SCN11A: variants seen among roughly 807,000 people sequenced by gnomAD.
SCN11A encodes the protein sodium voltage-gated channel alpha subunit 11, also known as sodium channel protein type 11 subunit alpha.
A neutral mutation model predicts 162.2 loss-of-function variants in SCN11A; 122 were observed. That is an observed-to-expected ratio of 0.75 (90% CI 0.65 to 0.87). SCN11A has a LOEUF of 0.87. Among genes scored for constraint, SCN11A ranks in the 40% least tolerant of loss-of-function variants. The pLI is 0.00. For missense variants in SCN11A, 2,015 were observed against 2,181.6 expected, an observed-to-expected ratio of 0.92 and a Z score of 1.52; for synonymous variants, 758 against 751.5, an observed-to-expected ratio of 1.01 and a Z score of -0.14.
At chr3:39,025,252 C>T (rs943194798) in intron 2 of SCN11A, among the ~76,000 whole-genome samples, 3 of 152,080 alleles carry the variant, frequency 2.0e-5, no homozygotes, top group African/African-American at 4.8e-5. Context: ...ACCTTCCAGT[C>T]TCCTTTAGTT....
intron 28 of SCN11A, among the ~76,000 whole-genome samples, chr3:38,859,072 G>C (rs1241496933): frequency 6.6e-6 from 1 of 152,056 alleles, no homozygotes; most frequent in Admixed American, 6.6e-5. Context: ...CATAATGTCT[G>C]AAAGAGCACT....
At chr3:39,043,570 G>A (rs1474313887) in intron 1 of SCN11A, among the ~76,000 whole-genome samples, 1 of 150,674 alleles carries the variant, frequency 6.6e-6, no homozygotes, top group African/African-American at 2.4e-5. Context: ...AATAAGCCAG[G>A]CACAGAAAGC....
intron 12 of SCN11A, among the ~76,000 whole-genome samples, chr3:38,909,562 T>C (rs2065856378): frequency 6.6e-6 from 1 of 151,706 alleles, no homozygotes; most frequent in African/African-American, 2.4e-5. Flanking sequence ...AAATATTGCA[T>C]TTAAAATTTT....
chr3:38,980,391 A>G (rs1048948544), intron 2 of SCN11A, among the ~76,000 whole-genome samples: 2 of 152,204 alleles, frequency 1.3e-5, no homozygotes, highest in African/African-American at 4.8e-5. Context: ...TCTCTCCAGG[A>G]AGGGAAGTTA....
At position 38,894,563 on chromosome 3, in the gene SCN11A, C is replaced by T. The variant is rs755744948; in HGVS notation, c.2805G>A (p.Gln935=). Residue 935 remains glutamine, a synonymous_variant, in exon 19 of 30, where the codon CAG becomes CAA. Coordinates refer to ENST00000302328, the MANE Select transcript of SCN11A (RefSeq NM_001349253.2). ...DVEFSGEDNA[Q]RITQPEPEQQ... ...GTTCAGGCTCAGGTTGTGTGATGCGCTGTGCATTATCTTCACCAGAAAATT... is the reference window on the plus strand; with the variant it reads ...GTTCAGGCTCAGGTTGTGTGATGCGTTGTGCATTATCTTCACCAGAAAATT... 6 of 1,612,316 alleles carry T rather than the reference C, an allele frequency of 3.7e-6. No individual in the cohort carries two copies. In the African/African-American group the frequency reaches 4.0e-5, roughly 11 times the overall value.
At chr3:38,909,918 G>T in intron 12 of SCN11A, 148 bp downstream of exon 12, 2 of 880,398 alleles carry the variant, frequency 2.3e-6, no homozygotes, top group Non-Finnish European at 3.4e-6. Flanking sequence ...GAATTTAACA[G>T]TACAACTGTT....
intron 1 of SCN11A, among the ~76,000 whole-genome samples, chr3:39,051,120 G>GT (rs199801324): frequency 0.16 from 22,943 of 145,972 alleles, 1,938 homozygotes; most frequent in East Asian, 0.38. Context: ...TTTTTGTCTT[G>GT]TTTTTTTTTT....
intron 2 of SCN11A, among the ~76,000 whole-genome samples, chr3:38,993,300 G>T (rs754383160): frequency 3.3e-4 from 50 of 152,098 alleles, no homozygotes; most frequent in Non-Finnish European, 5.7e-4. Flanking sequence ...CAGGATGAAG[G>T]CTACCGGGAT....
chr3:39,024,913 G>A (rs754902084), intron 2 of SCN11A, among the ~76,000 whole-genome samples: 2 of 152,168 alleles, frequency 1.3e-5, no homozygotes, highest in Admixed American at 6.5e-5. Context: ...GTATCTTTGG[G>A]TCTTCCTTCT....
At position 38,897,238 on chromosome 3, in the gene SCN11A, A is replaced by G. The variant is rs1034779158; in HGVS notation, c.2023-13T>C. ...TGAAGACCCTGAGCTGTAGAAAAAG[A>G]CAACAAACAAAAATGGAAGAAAAGC... On this transcript the variant is annotated splice_polypyrimidine_tract_variant and intron_variant, in intron 17 of 29. Coordinates refer to ENST00000302328, the MANE Select transcript of SCN11A (RefSeq NM_001349253.2). The G allele has an allele frequency of 6.4e-7, 1 of 1,569,658 alleles. No homozygotes were observed. Among genetic ancestry groups the G allele is most frequent in the Non-Finnish European group, 8.6e-7 (1 of 1,161,496 alleles).
At chr3:38,957,033 G>T (rs184632436) in intron 3 of SCN11A, among the ~76,000 whole-genome samples, 1 of 152,118 alleles carries the variant, frequency 6.6e-6, no homozygotes, top group Admixed American at 6.5e-5. Flanking sequence ...CTCCCATAGG[G>T]ACAATTCAAA....
At chr3:38,899,371 C>T (rs1026135180) in intron 17 of SCN11A, among the ~76,000 whole-genome samples, 1 of 152,156 alleles carries the variant, frequency 6.6e-6, no homozygotes, top group East Asian at 1.9e-4. Flanking sequence ...TGCTTCCAAA[C>T]TGGATAGCAG....
At position 38,994,905 on chromosome 3, in the gene SCN11A, T is replaced by C. The variant is rs1247836672; in HGVS notation, c.-279-34482A>G. Among the ~76,000 whole-genome samples the C allele has an allele frequency of 2.0e-5, 3 of 152,214 alleles. No homozygotes were observed. In the East Asian group the frequency reaches 5.8e-4, roughly 29 times the overall value. ...CTGCCAGAAATGTGAGGCCAGTCTCTGAAGACCCACAGAAGCCCCACAAAG... is the reference window on the plus strand; with the variant it reads ...CTGCCAGAAATGTGAGGCCAGTCTCCGAAGACCCACAGAAGCCCCACAAAG... On this transcript the variant is annotated intron_variant, in intron 2 of 29. Transcript: ENST00000302328.
At chr3:39,007,959 C>T (rs181213477) in intron 2 of SCN11A, among the ~76,000 whole-genome samples, 483 of 152,268 alleles carry the variant, frequency 3.2e-3, no homozygotes, top group Middle Eastern at 0.017. Context: ...CCTTAATCTA[C>T]GGGGTCTGCA....
chr3:38,947,123 T>C (rs1241803660), intron 5 of SCN11A, among the ~76,000 whole-genome samples: 1 of 152,104 alleles, frequency 6.6e-6, no homozygotes, highest in Non-Finnish European at 1.5e-5. Context: ...GAGGAATAAC[T>C]GGGGAAAAGA....
chr3:38,857,994 G>A (rs916910627), intron 28 of SCN11A, among the ~76,000 whole-genome samples: 4 of 151,962 alleles, frequency 2.6e-5, no homozygotes, highest in African/African-American at 9.7e-5. Flanking sequence ...AATGCAAAAA[G>A]GAGTTCTAAA....
intron 10 of SCN11A, 128 bp downstream of exon 10, chr3:38,920,948 C>A: frequency 2.3e-6 from 2 of 852,848 alleles, no homozygotes; most frequent in Non-Finnish European, 3.8e-6. Flanking sequence ...CAGGAGCACC[C>A]TGGATGGATG....
At chr3:38,958,057 G>A (rs1176859346) in intron 3 of SCN11A, among the ~76,000 whole-genome samples, 1 of 152,234 alleles carries the variant, frequency 6.6e-6, no homozygotes, top group Non-Finnish European at 1.5e-5. Flanking sequence ...GCTGCACACG[G>A]ACTCCTGGCT....
intron 2 of SCN11A, among the ~76,000 whole-genome samples, chr3:38,988,880 T>C (rs2030354966): frequency 6.6e-6 from 1 of 152,172 alleles, no homozygotes; most frequent in African/African-American, 2.4e-5. Flanking sequence ...AAGTTGGGAC[T>C]GATGGGGTCA....
Sources: gnomAD v4.1 joint callset for allele counts (sites outside exome capture counted in the v4.1 genomes callset) on GRCh38, gnomAD v4.1.1 for gene constraint, MANE v1.5 for transcripts, NCBI Gene and HGNC (gene_info 2026-07-23, HGNC 2026-07-21) for gene names.